BBS1: variants seen among roughly 807,000 people sequenced by gnomAD.
The protein encoded by BBS1 is BBSome complex member BBS1.
In BBS1, 60 loss-of-function variants were observed where a neutral mutation model predicts 73.9. That is an observed-to-expected ratio of 0.81 (90% confidence interval 0.66 to 1.01). The LOEUF (loss-of-function observed/expected upper bound fraction) is 1.01. Among genes scored for constraint, BBS1 ranks in the 50% least tolerant of loss-of-function variants. BBS1 has a pLI of 0.00. For missense variants in BBS1, 718 were observed against 770.3 expected (o/e 0.93, Z 0.80); for synonymous variants, 283 against 317.4 (o/e 0.89, Z 1.15).
chr11:66,532,410 C>T lies in BBS1; in HGVS notation c.*373C>T. On this transcript the variant is annotated 3_prime_UTR_variant, in exon 17 of 17. Transcript: ENST00000318312. ...CACGTCCCTCATGCACATCACTCAT[C>T]TCCTGCTGCAGGCCAAGGCCAAAAT... 1 of 223,464 alleles carries T rather than the reference C, an allele frequency of 4.5e-6. No homozygotes were observed. The highest frequency in any genetic ancestry group is 9.8e-5 in the South Asian group (1 of 10,158). The allele number at this position is 223,464 out of a possible 1,614,324, so 13.8% of individuals were successfully genotyped here. A position where few individuals can be genotyped will look rare whatever the true frequency, so the allele number is the denominator to read the frequency against.
chr11:66,530,752 C>G, intron 14 of BBS1, 142 bp from the exon 15 acceptor site: 1 of 1,245,546 alleles, frequency 8.0e-7, no homozygotes, highest in Non-Finnish European at 1.2e-6. Flanking sequence ...TCTGCCCCTT[C>G]TGGTCTTCTG....
At chr11:66,519,541 C>T in intron 7 of BBS1, 76 bp from the exon 8 acceptor site, 1 of 1,602,352 alleles carries the variant, frequency 6.2e-7, no homozygotes, top group Non-Finnish European at 8.5e-7. Context: ...TCTTTCTTCC[C>T]TCATGTGGCA....
intron 15 of BBS1, 38 bp from the exon 16 acceptor site, chr11:66,531,618 G>A (rs368368409): frequency 5.1e-5 from 82 of 1,613,720 alleles, no homozygotes; most frequent in Non-Finnish European, 6.4e-5. Flanking sequence ...ACACTGGCAC[G>A]AGGGCTGGTT....
chr11:66,532,110 A>G lies in BBS1; in HGVS notation c.*73A>G. 1 of 1,460,172 alleles carries G rather than the reference A, an allele frequency of 6.8e-7. No individual in the cohort carries two copies. The highest frequency in any genetic ancestry group is 1.2e-5 in the South Asian group (1 of 81,112). 90.5% of individuals were successfully genotyped at this position (1,460,172 alleles called of 1,614,324 possible). ...GGGCGGGTTTAGTGGCCCCAGGCCC[A>G]CTCCTCATGCAGCAGTGTGCTGGGG... On this transcript the variant is annotated 3_prime_UTR_variant, in exon 17 of 17. Coordinates refer to ENST00000318312, the MANE Select transcript of BBS1 (RefSeq NM_024649.5).
In BBS1 at chr11:66,517,305, TATA is replaced by T. The variant is rs530042484; in HGVS notation, c.591+1375_591+1377del. 2.6e-5 allele frequency among the ~76,000 whole-genome samples: 4 copies of T among 152,228 alleles called. No homozygotes were observed. In the South Asian group the frequency reaches 8.3e-4, roughly 32 times the overall value. On this transcript the variant is annotated intron_variant, in intron 7 of 16. Coordinates refer to ENST00000318312, the MANE Select transcript of BBS1 (RefSeq NM_024649.5). Reference sequence around the variant, plus strand: ...GGATCTTTTTTGTTTTCCCTCCAATTATAATTACAAAAGAAACATGTGCCCACT... The same window carrying T: ...GGATCTTTTTTGTTTTCCCTCCAATTATTACAAAAGAAACATGTGCCCACT...
chr11:66,523,632 G>A, intron 10 of BBS1, 56 bp downstream of exon 10: 3 of 1,612,750 alleles, frequency 1.9e-6, no homozygotes, highest in Non-Finnish European at 2.5e-6. Flanking sequence ...GCCCCCACTT[G>A]GCAAGAGAGT....
chr11:66,512,003 A>AATAT (rs1168533544), intron 3 of BBS1, among the ~76,000 whole-genome samples: 322 of 140,280 alleles, frequency 2.3e-3, no homozygotes, highest in Non-Finnish European at 4.1e-3. Context: ...TTCAAAAAAA[A>AATAT]ATATATATAT....
intron 13 of BBS1, chr11:66,529,436 A>T (rs1187034727): frequency 1.2e-5 from 10 of 858,830 alleles, no homozygotes; most frequent in Non-Finnish European, 1.9e-5. Flanking sequence ...TCGAGCGTGG[A>T]CACCAAGGAC....
intron 8 of BBS1, chr11:66,520,775 C>A (rs1368010123): frequency 4.9e-6 from 1 of 204,726 alleles, no homozygotes; most frequent in Non-Finnish European, 1.0e-5. Context: ...GTTCTCTTGC[C>A]CAGGCTGAAG....
intron 3 of BBS1, among the ~76,000 whole-genome samples, chr11:66,512,957 G>A (rs1445307567): frequency 6.6e-6 from 1 of 151,622 alleles, no homozygotes; most frequent in Non-Finnish European, 1.5e-5. Flanking sequence ...GGGTGACAGA[G>A]CGAGACTCCA....
intron 8 of BBS1, 77 bp downstream of exon 8, chr11:66,519,825 G>A: frequency 5.7e-6 from 9 of 1,569,940 alleles, no homozygotes; most frequent in Non-Finnish European, 7.8e-6. Context: ...GTTAGTTCTG[G>A]GTAATATATA....
intron 12 of BBS1, 40 bp from the exon 13 acceptor site, chr11:66,526,609 C>G (rs527954704): frequency 1.2e-6 from 2 of 1,613,660 alleles, no homozygotes; most frequent in African/African-American, 2.7e-5. Flanking sequence ...GTGGGTAGAA[C>G]TGGGGAGGAC....
chr11:66,532,514 G>GCAA lies in BBS1; in HGVS notation c.*477_*478insCAA, dbSNP rs1856829015. On this transcript the variant is annotated 3_prime_UTR_variant, in exon 17 of 17. Coordinates refer to ENST00000318312, the MANE Select transcript of BBS1 (RefSeq NM_024649.5). ...TCCTGTTGCTCCCTGGAGTTCCGGA[G>GCAA]GCTGGGCTGCAGCCCACTCAGCTTG... The GCAA allele has an allele frequency of 6.1e-6, 1 of 164,670 alleles. No homozygotes were observed. Among genetic ancestry groups the GCAA allele is most frequent in the Non-Finnish European group, 1.3e-5 (1 of 74,716 alleles). The allele number at this position is 164,670 out of a possible 1,614,324, so 10.2% of individuals were successfully genotyped here.
chr11:66,517,946 C>CT (rs36119187), intron 7 of BBS1, among the ~76,000 whole-genome samples: 32,298 of 143,434 alleles, frequency 0.23, 3,845 homozygotes, highest in East Asian at 0.26. Context: ...ACTAACGTCA[C>CT]TTTTTTTTTT....
At chr11:66,511,602 G>A (rs1443894352) in intron 3 of BBS1, among the ~76,000 whole-genome samples, 2 of 152,148 alleles carry the variant, frequency 1.3e-5, no homozygotes, top group East Asian at 3.8e-4. Context: ...AAGATTTTAA[G>A]ATGGGCCATG....
At position 66,533,255 on chromosome 11, in the gene BBS1, T is replaced by A. The variant is rs1252907371; in HGVS notation, c.*1218T>A. 6.6e-6 allele frequency: 1 copy of A among 152,180 alleles called. No individual in the cohort carries two copies. The highest frequency in any genetic ancestry group is 1.5e-5 in the Non-Finnish European group (1 of 68,046). 9.4% of individuals were successfully genotyped at this position (152,180 alleles called of 1,614,324 possible). On this transcript the variant is annotated 3_prime_UTR_variant, in exon 17 of 17. Transcript: ENST00000318312. ...GAATTGGTGTCTTTCTAAAACATAC[T>A]TATTTAAAAACACATACCCACTTAC... is the stretch of plus-strand genomic sequence containing the variant.
chr11:66,531,921 C>T (rs1461570922), intron 16 of BBS1, 30 bp from the exon 17 acceptor site: 8 of 1,568,464 alleles, frequency 5.1e-6, no homozygotes, highest in Non-Finnish European at 6.9e-6. Context: ...GGGGTGTATG[C>T]CCCCTGCTGC....
chr11:66,513,838 G>A (rs1044125813), intron 3 of BBS1, among the ~76,000 whole-genome samples: 4 of 152,182 alleles, frequency 2.6e-5, no homozygotes, highest in African/African-American at 9.7e-5. Flanking sequence ...AACAAGTTGG[G>A]AACTAGATCA....
intron 5 of BBS1, 30 bp from the exon 6 acceptor site, chr11:66,515,663 C>A: frequency 1.9e-6 from 3 of 1,614,214 alleles, no homozygotes; most frequent in Non-Finnish European, 2.5e-6. Flanking sequence ...TTCTTCCATT[C>A]GGCTGCCATG....
Sources: gnomAD v4.1 joint callset for allele counts (sites outside exome capture counted in the v4.1 genomes callset) on GRCh38, gnomAD v4.1.1 for gene constraint, MANE v1.5 for transcripts, NCBI Gene and HGNC (gene_info 2026-07-23, HGNC 2026-07-21) for gene names.